The following INPP5A variants were observed in gnomAD, a reference collection of about 807,000 sequenced individuals.
INPP5A encodes the protein inositol polyphosphate-5-phosphatase A.
A neutral mutation model predicts 65.2 loss-of-function variants in INPP5A; 14 were observed. The ratio of observed to expected loss-of-function variants is 0.21; its 90% CI spans 0.14 to 0.34. The LOEUF (loss-of-function observed/expected upper bound fraction) is 0.34. INPP5A is among the 10% of genes least tolerant of loss of function. The probability of loss-of-function intolerance (pLI) is 1.00; values close to 1 mark genes in which losing one functional copy is unlikely to be tolerated. For missense variants in INPP5A, 431 were observed against 545.6 expected (o/e 0.79, Z 2.09); for synonymous variants, 207 against 208.3 (o/e 0.99, Z 0.05).
chr10:132,645,682 A>G (rs1191200005), intron 2 of INPP5A, among the ~76,000 whole-genome samples, 186 bp from the exon 3 acceptor site: 5 of 152,196 alleles, frequency 3.3e-5, no homozygotes, highest in Non-Finnish European at 5.9e-5. Flanking sequence ...GGAAATATAA[A>G]TAACTGGAAG....
intron 8 of INPP5A, among the ~76,000 whole-genome samples, chr10:132,712,441 G>A (rs1845657304): frequency 6.6e-6 from 1 of 151,956 alleles, no homozygotes; most frequent in Admixed American, 6.6e-5. Context: ...ACGCGTGTGT[G>A]GGTGTGTGTG....
intron 5 of INPP5A, among the ~76,000 whole-genome samples, chr10:132,691,732 C>T (rs189575659): frequency 3.9e-5 from 6 of 152,328 alleles, no homozygotes; most frequent in African/African-American, 1.2e-4. Context: ...GCGAGCATGT[C>T]CTGAGCACGT....
intron 4 of INPP5A, among the ~76,000 whole-genome samples, chr10:132,652,254 A>G (rs932968544): frequency 6.6e-6 from 1 of 152,244 alleles, no homozygotes; most frequent in African/African-American, 2.4e-5. Context: ...AGAGAAGGTG[A>G]CTGAACTTGA....
Position 132,650,641 on chromosome 10 carries a change from T to A in INPP5A, c.306+136T>A, listed in dbSNP as rs1032789519. The A allele has an allele frequency of 1.5e-6, 1 of 660,208 alleles. No individual in the cohort carries two copies. The highest frequency in any genetic ancestry group is 1.7e-5 in the South Asian group (1 of 59,840). 40.9% of individuals were successfully genotyped at this position (660,208 alleles called of 1,614,324 possible). On this transcript the variant is annotated intron_variant, in intron 4 of 15. Coordinates refer to ENST00000368594, the MANE Select transcript of INPP5A (RefSeq NM_005539.5). This position sits in a 1 kb window ranked among gnomAD's most constrained non-coding sequence, Gnocchi z 5.5. ...TCACTCACGCTGCCCTGCCTGGCAC[T>A]CCCGCAGCCTGCTTGGTGGTCTGCT...
At chr10:132,752,714 G>A (rs1037655425) in intron 11 of INPP5A, among the ~76,000 whole-genome samples, 1 of 150,756 alleles carries the variant, frequency 6.6e-6, no homozygotes, top group South Asian at 2.1e-4. Context: ...GCGTGGAGGC[G>A]GTGCGGCATG....
chr10:132,662,866 C>T (rs570457532), intron 4 of INPP5A, among the ~76,000 whole-genome samples: 1 of 152,344 alleles, frequency 6.6e-6, no homozygotes, highest in African/African-American at 2.4e-5. Context: ...GAGCGACGGG[C>T]ATGTTAGTCT....
intron 1 of INPP5A, among the ~76,000 whole-genome samples, chr10:132,572,108 C>T (rs1414385523): frequency 1.3e-5 from 2 of 152,200 alleles, no homozygotes; most frequent in Admixed American, 6.5e-5. Context: ...TGTCTGGCAC[C>T]GCAGATAGTC....
intron 2 of INPP5A, among the ~76,000 whole-genome samples, chr10:132,635,975 C>T (rs1342284817): frequency 2.3e-5 from 3 of 132,962 alleles, no homozygotes; most frequent in African/African-American, 6.1e-5. Context: ...GAAATCCTAT[C>T]TCAAAGACAA....
In INPP5A at chr10:132,782,081, T is replaced by C; in HGVS notation, c.*52T>C. 1 of 1,547,452 alleles carries C rather than the reference T, an allele frequency of 6.5e-7. No homozygotes were observed. Among genetic ancestry groups the C allele is most frequent in the South Asian group, 1.2e-5 (1 of 85,070 alleles). The stretch of plus-strand genomic sequence containing the variant: ...CGAGAGGACACTTCGTGAGCCTCCC[T>C]GTAGCCGTGGACCGAATACGCACTC... On this transcript the variant is annotated 3_prime_UTR_variant, in exon 16 of 16. Coordinates refer to ENST00000368594, the MANE Select transcript of INPP5A (RefSeq NM_005539.5). The surrounding 1 kb of genome is among the most constrained non-coding windows in gnomAD (Gnocchi z 4.4).
In INPP5A at chr10:132,603,909, G is replaced by A. The variant is rs572513825; in HGVS notation, c.76-4006G>A. Reference sequence around the variant, plus strand: ...CATCACCTGAGTTCTGCCCTGCGCCGTCAGGGTCCCCTCTCCGTCCAGCCC... The same window carrying A: ...CATCACCTGAGTTCTGCCCTGCGCCATCAGGGTCCCCTCTCCGTCCAGCCC... On this transcript the variant is annotated intron_variant, in intron 1 of 15. Transcript: ENST00000368594. This position sits in a 1 kb window ranked among gnomAD's most constrained non-coding sequence, Gnocchi z 4.2. 4.6e-4 allele frequency among the ~76,000 whole-genome samples: 69 copies of A among 151,612 alleles called. No homozygotes were observed. Among genetic ancestry groups the A allele is most frequent in the African/African-American group, 1.4e-3 (57 of 41,224 alleles).
At position 132,650,172 on chromosome 10, in the gene INPP5A, C is replaced by T. The variant is rs936901173; in HGVS notation, c.219-246C>T. On this transcript the variant is annotated intron_variant, in intron 3 of 15. Coordinates refer to ENST00000368594, the MANE Select transcript of INPP5A (RefSeq NM_005539.5). This position sits in a 1 kb window ranked among gnomAD's most constrained non-coding sequence, Gnocchi z 5.5. Reference sequence around the variant, plus strand: ...TCCATCCCTGGGATGCCTCAGACCCCGGCATCTCACAGGCTGCGTGGAGAC... The same window carrying T: ...TCCATCCCTGGGATGCCTCAGACCCTGGCATCTCACAGGCTGCGTGGAGAC... Among the ~76,000 whole-genome samples the T allele has an allele frequency of 1.3e-5, 2 of 152,312 alleles. No individual in the cohort carries two copies. The highest frequency in any genetic ancestry group is 2.1e-4 in the South Asian group (1 of 4,824).
rs183177583 is a variant in INPP5A, at chr10:132,655,963, C to T, written c.306+5458C>T. On this transcript the variant is annotated intron_variant, in intron 4 of 15. Transcript: ENST00000368594. ...CCTTGTGGCTGGCTGGGCATGGGTC[C>T]CATGCAGACTGGTGGGGCCAGGAGG... 4.6e-5 allele frequency among the ~76,000 whole-genome samples: 7 copies of T among 152,354 alleles called. No homozygotes were observed. In the East Asian group the frequency reaches 5.8e-4, roughly 13 times the overall value.
At chr10:132,713,669 G>A (rs1231787853) in intron 8 of INPP5A, among the ~76,000 whole-genome samples, 1 of 152,154 alleles carries the variant, frequency 6.6e-6, no homozygotes, top group African/African-American at 2.4e-5. Context: ...TGGCAACTGC[G>A]AGGCCTGGGT....
chr10:132,697,654 G>A lies in INPP5A; in HGVS notation c.371-162G>A, dbSNP rs1366430996. 3.3e-5 allele frequency among the ~76,000 whole-genome samples: 5 copies of A among 152,176 alleles called. No individual in the cohort carries two copies. The highest frequency in any genetic ancestry group is 1.9e-4 in the East Asian group (1 of 5,166). ...GCCACAGGCATGGAGTAGCCGGCCC[G>A]CTGGGGGTCTGTTCTGGGTCGGACC... On this transcript the variant is annotated intron_variant, in intron 5 of 15. Transcript: ENST00000368594. This position sits in a 1 kb window ranked among gnomAD's most constrained non-coding sequence, Gnocchi z 5.6.
At position 132,722,904 on chromosome 10, in the gene INPP5A, G is replaced by GT. The variant is rs983673638; in HGVS notation, c.648-3908dup. Among the ~76,000 whole-genome samples the GT allele has an allele frequency of 4.6e-4, 69 of 151,408 alleles. 1 individual carries two copies. The highest frequency in any genetic ancestry group is 3.4e-3 in the Middle Eastern group (1 of 292). On this transcript the variant is annotated intron_variant, in intron 8 of 15. Transcript: ENST00000368594. ...CAAGGTAATTAATTTTAGAACAACT[G>GT]TTTTTTTTTCTCCTGCTCCAAATGG...
intron 4 of INPP5A, among the ~76,000 whole-genome samples, chr10:132,679,448 G>A (rs763950991): frequency 1.3e-5 from 2 of 152,110 alleles, no homozygotes; most frequent in African/African-American, 2.4e-5. Flanking sequence ...AGAGCTGCCC[G>A]CTGGAAGATG....
chr10:132,759,754 C>A (rs1176650488), intron 11 of INPP5A, among the ~76,000 whole-genome samples: 1 of 152,108 alleles, frequency 6.6e-6, no homozygotes, highest in Non-Finnish European at 1.5e-5. Flanking sequence ...GTGACCCCCT[C>A]ACCCTGCAGG....
intron 8 of INPP5A, among the ~76,000 whole-genome samples, chr10:132,723,832 A>C (rs2134574167): frequency 6.6e-6 from 1 of 151,682 alleles, no homozygotes; most frequent in East Asian, 1.9e-4. Context: ...GGGGTCTCGG[A>C]GCACAGGGCC....
At chr10:132,677,848 G>A (rs925809119) in intron 4 of INPP5A, among the ~76,000 whole-genome samples, 6 of 152,234 alleles carry the variant, frequency 3.9e-5, no homozygotes, top group East Asian at 1.9e-4. Context: ...TCAGCAACCC[G>A]CGTGCAGAAT....
Sources: gnomAD v4.1 joint callset for allele counts (sites outside exome capture counted in the v4.1 genomes callset) on GRCh38, gnomAD v4.1.1 for gene constraint, Gnocchi (gnomAD v3.1) non-coding constraint, MANE v1.5 for transcripts, NCBI Gene and HGNC (gene_info 2026-07-23, HGNC 2026-07-21) for gene names.